Variants in BCR observed in about 807,000 individuals in gnomAD.
BCR encodes the protein breakpoint cluster region protein.
A neutral mutation model predicts 138.6 loss-of-function variants in BCR; 58 were observed. The observed-to-expected ratio is 0.42, with a 90% CI of 0.34 to 0.52. BCR has a LOEUF of 0.52. BCR is among the 20% of genes least tolerant of loss of function. The probability of loss-of-function intolerance (pLI) is 0.06; values close to 1 mark genes in which losing one functional copy is unlikely to be tolerated. For synonymous variants in BCR, 786 were observed against 730.1 expected (o/e 1.08, Z -1.23); for missense variants, 1,599 against 1,727.2 (o/e 0.93, Z 1.32).
At chr22:23,310,196 C>T in intron 17 of BCR, 128 bp from the exon 18 acceptor site, 1 of 549,360 alleles carries the variant, frequency 1.8e-6, no homozygotes, top group Non-Finnish European at 3.4e-6. Flanking sequence ...GGGGCGGCTC[C>T]ACCTCATGCT....
chr22:23,294,131 G>A (rs1385168823), intron 15 of BCR, among the ~76,000 whole-genome samples: 2 of 152,162 alleles, frequency 1.3e-5, no homozygotes, highest in African/African-American at 4.8e-5. Context: ...AGAAAGAACA[G>A]AGTTCCCATG....
At chr22:23,299,264 G>A (rs938506620) in intron 16 of BCR, among the ~76,000 whole-genome samples, 2 of 152,030 alleles carry the variant, frequency 1.3e-5, no homozygotes, top group African/African-American at 2.4e-5. Flanking sequence ...GATTACAGGC[G>A]TGAGCCACCA....
intron 8 of BCR, among the ~76,000 whole-genome samples, chr22:23,282,128 T>A (rs1453520963): frequency 6.6e-6 from 1 of 152,258 alleles, no homozygotes; most frequent in East Asian, 1.9e-4. Context: ...GCTGTGTCCC[T>A]GCCAAGAGGA....
chr22:23,232,288 G>A (rs957366175), intron 1 of BCR, among the ~76,000 whole-genome samples: 3 of 152,228 alleles, frequency 2.0e-5, no homozygotes, highest in African/African-American at 4.8e-5. Context: ...CTGACCAGCC[G>A]AATCCACTTT....
intron 1 of BCR, among the ~76,000 whole-genome samples, chr22:23,251,551 A>G (rs2073228687): frequency 1.3e-5 from 2 of 152,228 alleles, no homozygotes; most frequent in Admixed American, 1.3e-4. Context: ...CACTCCAGAC[A>G]CACGGCTCTC....
At chr22:23,190,647 G>A (rs2072401706) in intron 1 of BCR, among the ~76,000 whole-genome samples, 1 of 152,164 alleles carries the variant, frequency 6.6e-6, no homozygotes, top group South Asian at 2.1e-4. Context: ...CGTAACACTT[G>A]GTGAGTCCGT....
intron 22 of BCR, 99 bp from the exon 23 acceptor site, chr22:23,315,334 C>T: frequency 1.8e-6 from 2 of 1,116,944 alleles, no homozygotes; most frequent in Non-Finnish European, 1.4e-6. Context: ...GTCCCCAGCA[C>T]CTGAGATGGA....
intron 1 of BCR, among the ~76,000 whole-genome samples, chr22:23,206,418 C>CA (rs1185877785): frequency 1.3e-5 from 2 of 150,550 alleles, no homozygotes; most frequent in South Asian, 2.1e-4. Flanking sequence ...ACTAAAAATA[C>CA]AAAAAAAAAG....
At chr22:23,252,463 C>T (rs2073241961) in intron 1 of BCR, among the ~76,000 whole-genome samples, 1 of 124,414 alleles carries the variant, frequency 8.0e-6, no homozygotes, top group Admixed American at 9.7e-5. Flanking sequence ...CAGAGTCTTG[C>T]TCTGTCACCT....
At chr22:23,217,718 A>C (rs1055440546) in intron 1 of BCR, among the ~76,000 whole-genome samples, 1 of 152,198 alleles carries the variant, frequency 6.6e-6, no homozygotes, top group Non-Finnish European at 1.5e-5. Flanking sequence ...GACTCTTACA[A>C]GTTCTCTGTA....
chr22:23,256,392 G>A (rs1568957790), intron 2 of BCR, among the ~76,000 whole-genome samples: 3 of 152,110 alleles, frequency 2.0e-5, no homozygotes, highest in Admixed American at 2.0e-4. Context: ...CCCTTGCCCG[G>A]GGTGCTGTGG....
At chr22:23,223,193 A>G (rs1277590188) in intron 1 of BCR, among the ~76,000 whole-genome samples, 1 of 152,218 alleles carries the variant, frequency 6.6e-6, no homozygotes, top group Admixed American at 6.5e-5. Flanking sequence ...TATTAAGTCC[A>G]TAGCACAAGG....
At chr22:23,294,773 G>A (rs1316254795) in intron 15 of BCR, among the ~76,000 whole-genome samples, 1 of 152,230 alleles carries the variant, frequency 6.6e-6, no homozygotes, top group Non-Finnish European at 1.5e-5. Flanking sequence ...AGATGCTGGT[G>A]TAAGGAGTTT....
Position 23,292,653 on chromosome 22 carries a change from C to G in BCR, c.2880+15C>G, listed in dbSNP as rs746900541. 2 of 1,593,670 alleles carry G rather than the reference C, an allele frequency of 1.3e-6. No individual in the cohort carries two copies. The highest frequency in any genetic ancestry group is 1.7e-5 in the Admixed American group (1 of 59,412). On this transcript the variant is annotated intron_variant, in intron 15 of 22. Coordinates refer to ENST00000305877, the MANE Select transcript of BCR (RefSeq NM_004327.4). Reference sequence around the variant, plus strand: ...ACTGGAACGAGGTGAGGAACTGATTCCACAAGGGCCCAGCCTGCCAGGTGG... The same window carrying G: ...ACTGGAACGAGGTGAGGAACTGATTGCACAAGGGCCCAGCCTGCCAGGTGG...
intron 1 of BCR, among the ~76,000 whole-genome samples, chr22:23,244,604 G>T (rs985511400): frequency 3.1e-4 from 47 of 152,186 alleles, no homozygotes; most frequent in African/African-American, 1.1e-3. Context: ...TGACTCCATG[G>T]ATTCCGCTGG....
intron 4 of BCR, chr22:23,263,622 T>G (rs925226309): frequency 6.6e-7 from 1 of 1,505,470 alleles, no homozygotes; most frequent in Non-Finnish European, 9.2e-7. Context: ...TTTGCCACTT[T>G]GTGCTGGCCA....
chr22:23,254,806 T>G (rs2073274571), intron 2 of BCR, among the ~76,000 whole-genome samples: 1 of 152,200 alleles, frequency 6.6e-6, no homozygotes, highest in Non-Finnish European at 1.5e-5. Context: ...CAGTTGCTCC[T>G]TTTTGTCTTT....
At chr22:23,213,434 A>G (rs1031503968) in intron 1 of BCR, among the ~76,000 whole-genome samples, 3 of 152,086 alleles carry the variant, frequency 2.0e-5, no homozygotes, top group African/African-American at 7.2e-5. Context: ...TTCCGGAGGG[A>G]CGCTGAGCCA....
intron 1 of BCR, among the ~76,000 whole-genome samples, chr22:23,239,602 A>G (rs1425077603): frequency 2.0e-5 from 3 of 152,166 alleles, no homozygotes; most frequent in Non-Finnish European, 2.9e-5. Flanking sequence ...GAGCTCCACA[A>G]TGACTTCATT....
Sources: gnomAD v4.1 joint callset for allele counts (sites outside exome capture counted in the v4.1 genomes callset) on GRCh38, gnomAD v4.1.1 for gene constraint, MANE v1.5 for transcripts, NCBI Gene and HGNC (gene_info 2026-07-23, HGNC 2026-07-21) for gene names.